MTRF1: variants seen among roughly 807,000 people sequenced by gnomAD.
MTRF1 encodes peptide chain release factor 1, mitochondrial.
Under a neutral mutation model 62.9 loss-of-function variants are expected in MTRF1, and 51 were observed. That is an observed-to-expected ratio of 0.81 (90% confidence interval 0.65 to 1.02). The LOEUF (loss-of-function observed/expected upper bound fraction) is 1.02. MTRF1 is among the 50% of genes least tolerant of loss of function. The pLI is 0.00. For missense variants in MTRF1, 446 were observed against 530.0 expected (o/e 0.84, Z 1.56); for synonymous variants, 158 against 181.9 (o/e 0.87, Z 1.06).
chr13:41,294,844 T>C, the MTRF1 span, among the ~76,000 whole-genome samples: 1 of 152,226 alleles, frequency 6.6e-6, no homozygotes. Flanking sequence ...CTTATAAGTC[T>C]TTCTAAAGAT....
chr13:41,277,487 A>T, the MTRF1 span, among the ~76,000 whole-genome samples: 4 of 152,054 alleles, frequency 2.6e-5, no homozygotes, highest in Admixed American at 6.6e-5. Flanking sequence ...GGCAGGAAGA[A>T]CCCATCAGGT....
chr13:41,264,655 G>C (rs1256655994), upstream of MTRF1, among the ~76,000 whole-genome samples: 4 of 152,168 alleles, frequency 2.6e-5, no homozygotes, highest in African/African-American at 4.8e-5. Context: ...ACTAAATACT[G>C]TTCTAAATGG....
chr13:41,221,417 CAAAG>C, intron 9 of MTRF1, among the ~76,000 whole-genome samples: 2 of 152,136 alleles, frequency 1.3e-5, no homozygotes, highest in African/African-American at 4.8e-5. Context: ...CTCGGCCTCC[CAAAG>C]TGCGGGGATT....
At chr13:41,225,794 C>T (rs1056206372) in intron 8 of MTRF1, among the ~76,000 whole-genome samples, 8 of 125,842 alleles carry the variant, frequency 6.4e-5, no homozygotes, top group Middle Eastern at 5.3e-3. Context: ...GGTGACAGAG[C>T]GAGACTCTGT....
chr13:41,222,406 G>A (rs9532747), intron 9 of MTRF1, among the ~76,000 whole-genome samples: 10,658 of 152,122 alleles, frequency 0.07, 446 homozygotes, highest in Middle Eastern at 0.12. Flanking sequence ...ATTGTGGTAG[G>A]GAGAATTCTA....
At chr13:41,246,897 T>C (rs574890631) in intron 5 of MTRF1, among the ~76,000 whole-genome samples, 1 of 152,378 alleles carries the variant, frequency 6.6e-6, no homozygotes, top group Non-Finnish European at 1.5e-5. Flanking sequence ...ATTTCAAGCT[T>C]CTCTTCTTCC....
At chr13:41,301,361 C>A in the MTRF1 span, among the ~76,000 whole-genome samples, 1 of 152,060 alleles carries the variant, frequency 6.6e-6, no homozygotes, top group Non-Finnish European at 1.5e-5. Flanking sequence ...AGAATGGTGA[C>A]CCAACAACGC....
intron 9 of MTRF1, among the ~76,000 whole-genome samples, chr13:41,218,528 G>GT (rs2032452397): frequency 2.0e-5 from 3 of 152,122 alleles, no homozygotes; most frequent in Admixed American, 2.0e-4. Context: ...GGTGAAAACT[G>GT]TTTTGAGTTG....
intron 7 of MTRF1, among the ~76,000 whole-genome samples, chr13:41,232,029 C>T (rs1199572463): frequency 1.3e-5 from 2 of 151,808 alleles, no homozygotes; most frequent in African/African-American, 2.4e-5. Flanking sequence ...GCTGTGATCA[C>T]ACCACTGTAC....
chr13:41,268,571 G>T (rs995110707), upstream of MTRF1, among the ~76,000 whole-genome samples: 3 of 151,928 alleles, frequency 2.0e-5, no homozygotes, highest in Admixed American at 6.6e-5. Context: ...AAAAGAAAAA[G>T]AAAACATTTC....
At chr13:41,234,383 T>G (rs1474767374) in intron 6 of MTRF1, among the ~76,000 whole-genome samples, 2 of 152,194 alleles carry the variant, frequency 1.3e-5, no homozygotes, top group Non-Finnish European at 2.9e-5. Flanking sequence ...CTTGCTATTT[T>G]GCCCAGGCTG....
the MTRF1 span, among the ~76,000 whole-genome samples, chr13:41,305,747 T>G: frequency 6.6e-6 from 1 of 152,230 alleles, no homozygotes; most frequent in East Asian, 1.9e-4. Context: ...ATCCTCAGGT[T>G]TCTGTTCAAT....
At chr13:41,299,612 A>G in the MTRF1 span, among the ~76,000 whole-genome samples, 1,201 of 152,354 alleles carry the variant, frequency 7.9e-3, 17 homozygotes, top group African/African-American at 0.027. Context: ...AAGATTGCCC[A>G]TAATTAAGAC....
At chr13:41,251,986 TCTCC>T (rs2039117742) in intron 5 of MTRF1, among the ~76,000 whole-genome samples, 1 of 152,130 alleles carries the variant, frequency 6.6e-6, no homozygotes, top group South Asian at 2.1e-4. Context: ...TTCAAGCGAT[TCTCC>T]TGCCTCAGCC....
chr13:41,217,458 A>G (rs1351742278), intron 9 of MTRF1, among the ~76,000 whole-genome samples: 1 of 152,196 alleles, frequency 6.6e-6, no homozygotes, highest in African/African-American at 2.4e-5. Flanking sequence ...GATTTTCCTA[A>G]CAACTCCAGA....
At chr13:41,242,894 G>T (rs1255375999) in intron 5 of MTRF1, among the ~76,000 whole-genome samples, 1 of 151,894 alleles carries the variant, frequency 6.6e-6, no homozygotes, top group East Asian at 1.9e-4. Flanking sequence ...GACCATCCTG[G>T]GCAACACAGT....
chr13:41,293,626 A>G, the MTRF1 span, among the ~76,000 whole-genome samples: 2 of 152,236 alleles, frequency 1.3e-5, no homozygotes, highest in Non-Finnish European at 2.9e-5. Context: ...ATTTAAGTGA[A>G]CACCTGATAG....
the MTRF1 span, among the ~76,000 whole-genome samples, chr13:41,303,933 G>A: frequency 6.6e-6 from 1 of 152,118 alleles, no homozygotes; most frequent in East Asian, 1.9e-4. Flanking sequence ...ATATAAATAA[G>A]CATTGTACCT....
intron 2 of MTRF1, chr13:41,257,778 A>G (rs1410968627): frequency 2.2e-6 from 1 of 450,918 alleles, no homozygotes; most frequent in Non-Finnish European, 4.5e-6. Context: ...AGCCTGGGCC[A>G]CAGAGCAAGA....
Sources: gnomAD v4.1 joint callset for allele counts (sites outside exome capture counted in the v4.1 genomes callset) on GRCh38, gnomAD v4.1.1 for gene constraint, MANE v1.5 for transcripts, NCBI Gene and HGNC (gene_info 2026-07-23, HGNC 2026-07-21) for gene names.